SMYD3: variants seen among roughly 807,000 people sequenced by gnomAD.
The protein encoded by SMYD3 is SET and MYND domain containing 3.
Under a neutral mutation model 57.7 loss-of-function variants are expected in SMYD3, and 36 were observed. That is an observed-to-expected ratio of 0.62 (90% CI 0.48 to 0.82). The LOEUF is 0.82. Ranked by LOEUF, SMYD3 falls within the 40% of genes least tolerant of loss-of-function variation. The pLI is 0.00. For missense variants in SMYD3, 515 were observed against 538.8 expected, an observed-to-expected ratio of 0.96 and a Z score of 0.44; for synonymous variants, 211 against 195.0, an observed-to-expected ratio of 1.08 and a Z score of -0.68.
chr1:246,074,811 G>A (rs911272835), intron 5 of SMYD3, among the ~76,000 whole-genome samples: 9 of 152,116 alleles, frequency 5.9e-5, no homozygotes, highest in East Asian at 1.9e-4. Flanking sequence ...CCAGCAGTCC[G>A]GAAAAGTCTA....
At chr1:245,903,046 A>T (rs2054297090) in intron 8 of SMYD3, among the ~76,000 whole-genome samples, 2 of 152,202 alleles carry the variant, frequency 1.3e-5, no homozygotes, top group African/African-American at 4.8e-5. Flanking sequence ...TAATGACCTC[A>T]AGGAAACTCA....
At chr1:246,074,410 A>G (rs1251034984) in intron 5 of SMYD3, among the ~76,000 whole-genome samples, 1 of 152,052 alleles carries the variant, frequency 6.6e-6, no homozygotes, top group Non-Finnish European at 1.5e-5. Flanking sequence ...AGCAACAACC[A>G]TAATAAAACT....
At chr1:245,872,467 C>T (rs1375711529) in intron 8 of SMYD3, among the ~76,000 whole-genome samples, 2 of 127,712 alleles carry the variant, frequency 1.6e-5, no homozygotes, top group Non-Finnish European at 1.5e-5. Flanking sequence ...CTGAGCTGGC[C>T]GACCCCAGGA....
chr1:246,121,863 C>T (rs1234305871), intron 5 of SMYD3, among the ~76,000 whole-genome samples: 1 of 152,180 alleles, frequency 6.6e-6, no homozygotes, highest in East Asian at 1.9e-4. Flanking sequence ...TATAGCAAAG[C>T]GATTACTACA....
intron 5 of SMYD3, among the ~76,000 whole-genome samples, chr1:245,938,782 C>A (rs2057090278): frequency 6.6e-6 from 1 of 152,138 alleles, no homozygotes; most frequent in South Asian, 2.1e-4. Context: ...TAAATAGTGC[C>A]ATTCCCAGCC....
intron 8 of SMYD3, among the ~76,000 whole-genome samples, chr1:245,913,317 A>G (rs1404024303): frequency 6.7e-6 from 1 of 148,496 alleles, no homozygotes; most frequent in African/African-American, 2.5e-5. Flanking sequence ...AACAATGAGA[A>G]CACATGGACA....
At chr1:246,369,531 TC>T (rs1195346352) in intron 1 of SMYD3, among the ~76,000 whole-genome samples, 2 of 152,166 alleles carry the variant, frequency 1.3e-5, no homozygotes, top group African/African-American at 2.4e-5. Flanking sequence ...CATTTTTCTT[TC>T]TTTTTTATTT....
intron 1 of SMYD3, among the ~76,000 whole-genome samples, chr1:246,442,080 C>CCATGAACTA (rs1383505521): frequency 6.6e-6 from 1 of 152,220 alleles, no homozygotes; most frequent in African/African-American, 2.4e-5. Context: ...TTATTCACCA[C>CCATGAACTA]CATGAACTAT....
intron 5 of SMYD3, among the ~76,000 whole-genome samples, chr1:246,267,771 G>A (rs1309499083): frequency 6.6e-6 from 1 of 152,160 alleles, no homozygotes; most frequent in Admixed American, 6.5e-5. Flanking sequence ...ACTGTTGCAT[G>A]CTCAACAATA....
intron 5 of SMYD3, among the ~76,000 whole-genome samples, chr1:246,034,157 C>T (rs1205390050): frequency 6.6e-6 from 1 of 152,186 alleles, no homozygotes; most frequent in Non-Finnish European, 1.5e-5. Flanking sequence ...TGTACATAGA[C>T]AGAATGCATC....
intron 5 of SMYD3, among the ~76,000 whole-genome samples, chr1:245,972,998 T>C (rs1439808520): frequency 6.6e-6 from 1 of 152,216 alleles, no homozygotes; most frequent in Non-Finnish European, 1.5e-5. Flanking sequence ...GGGTACTCAA[T>C]AAATAAATGA....
At chr1:245,877,997 C>G (rs75069275) in intron 8 of SMYD3, among the ~76,000 whole-genome samples, 2 of 151,954 alleles carry the variant, frequency 1.3e-5, no homozygotes, top group African/African-American at 2.4e-5. Flanking sequence ...GGCACGGAAA[C>G]GAAAGGAGAG....
At chr1:245,834,648 G>T (rs1388124793) in intron 10 of SMYD3, among the ~76,000 whole-genome samples, 1 of 152,192 alleles carries the variant, frequency 6.6e-6, no homozygotes, top group Non-Finnish European at 1.5e-5. Context: ...TCATTTCACA[G>T]TTCTGAGCAG....
intron 10 of SMYD3, among the ~76,000 whole-genome samples, chr1:245,845,798 G>A (rs1003692407): frequency 8.5e-5 from 13 of 152,112 alleles, no homozygotes; most frequent in East Asian, 3.9e-4. Context: ...TCTTTGAGTC[G>A]TTTTCTATCT....
intron 1 of SMYD3, among the ~76,000 whole-genome samples, chr1:246,402,379 C>CTTTTTTTTTTTTTTTTTTTTTTTT (rs374996560): frequency 6.7e-6 from 1 of 150,298 alleles, no homozygotes; most frequent in Non-Finnish European, 1.5e-5. Flanking sequence ...ACAACGCCAT[C>CTTTTTTTTTTTTTTTTTTTTTTTT]TTAAAGATGA....
At chr1:246,497,696 A>T (rs2103074529) in intron 1 of SMYD3, among the ~76,000 whole-genome samples, 1 of 152,120 alleles carries the variant, frequency 6.6e-6, no homozygotes, top group South Asian at 2.1e-4. Context: ...CTAAAAAAAA[A>T]TTTTCTTTTA....
chr1:245,922,551 A>G (rs2056047765), intron 7 of SMYD3, among the ~76,000 whole-genome samples: 1 of 152,166 alleles, frequency 6.6e-6, no homozygotes, highest in African/African-American at 2.4e-5. Context: ...GATTTACTAT[A>G]GTTTTGATAG....
chr1:245,978,156 T>A (rs12042146), intron 5 of SMYD3, among the ~76,000 whole-genome samples: 15,273 of 152,218 alleles, frequency 0.1, 922 homozygotes, highest in South Asian at 0.21. Flanking sequence ...AGTCGGAACA[T>A]CCAGAGACAT....
At chr1:245,948,843 GCACA>G (rs1011332047) in intron 5 of SMYD3, among the ~76,000 whole-genome samples, 3 of 152,090 alleles carry the variant, frequency 2.0e-5, no homozygotes, top group African/African-American at 7.2e-5. Flanking sequence ...TAGGACCAAA[GCACA>G]CACTCTTCAG....
Sources: allele counts gnomAD v4.1 joint callset (sites outside exome capture counted in the v4.1 genomes callset), GRCh38; gene constraint gnomAD v4.1.1; transcripts MANE v1.5; gene names NCBI Gene and HGNC (gene_info 2026-07-23, HGNC 2026-07-21).